The following SHISA9 variants were observed in gnomAD, a reference collection of about 807,000 sequenced individuals.
SHISA9 encodes protein shisa-9.
SHISA9 carries 13 observed loss-of-function variants against 38.0 expected under a neutral mutation model. That is an observed-to-expected ratio of 0.34 (90% confidence interval 0.22 to 0.54). SHISA9 has a LOEUF of 0.54. SHISA9 is among the 20% of genes least tolerant of loss of function. SHISA9 has a pLI of 0.91. For missense variants in SHISA9, 538 were observed against 575.8 expected (o/e 0.93, Z 0.67); for synonymous variants, 275 against 242.0 (o/e 1.14, Z -1.27).
chr16:13,081,648 C>T (rs999710868), intron 2 of SHISA9, among the ~76,000 whole-genome samples: 6 of 151,974 alleles, frequency 3.9e-5, no homozygotes, highest in African/African-American at 1.5e-4. Context: ...TTGTCTCCTC[C>T]TAGGCAGGAA....
intron 4 of SHISA9, among the ~76,000 whole-genome samples, chr16:13,217,500 A>C (rs561629992): frequency 2.0e-5 from 3 of 152,322 alleles, no homozygotes; most frequent in African/African-American, 7.2e-5. Flanking sequence ...GCTTCTGACT[A>C]GAATCAGCCT....
At chr16:13,471,876 A>C in the SHISA9 span, among the ~76,000 whole-genome samples, 1 of 152,202 alleles carries the variant, frequency 6.6e-6, no homozygotes, top group Non-Finnish European at 1.5e-5. Context: ...ATAGCAAGAA[A>C]AACAAGGAGA....
At chr16:13,450,050 G>A in the SHISA9 span, among the ~76,000 whole-genome samples, 9 of 152,240 alleles carry the variant, frequency 5.9e-5, no homozygotes, top group Admixed American at 5.2e-4. Context: ...CTGGGAGGTG[G>A]AGGTTGCAGT....
At chr16:12,977,265 A>G (rs1027736824) in intron 2 of SHISA9, among the ~76,000 whole-genome samples, 9 of 152,136 alleles carry the variant, frequency 5.9e-5, no homozygotes, top group Admixed American at 2.0e-4. Flanking sequence ...CCTTGCTCTC[A>G]GGGAATTCAT....
chr16:13,066,134 C>T (rs1470335537), intron 2 of SHISA9, among the ~76,000 whole-genome samples: 2 of 152,150 alleles, frequency 1.3e-5, no homozygotes, highest in Non-Finnish European at 1.5e-5. Context: ...CATCCTTTTC[C>T]TCTTGCTATG....
At chr16:13,485,451 G>T in the SHISA9 span, among the ~76,000 whole-genome samples, 1 of 152,026 alleles carries the variant, frequency 6.6e-6, no homozygotes, top group African/African-American at 2.4e-5. Flanking sequence ...TTGAGGGTAA[G>T]CCCTTGTTCT....
chr16:13,070,772 C>T (rs756797798), intron 2 of SHISA9, among the ~76,000 whole-genome samples: 16 of 152,244 alleles, frequency 1.1e-4, no homozygotes, highest in Non-Finnish European at 1.9e-4. Flanking sequence ...GAGAGGGAGA[C>T]TGAGAGATAA....
the SHISA9 span, among the ~76,000 whole-genome samples, chr16:13,467,868 A>T: frequency 6.6e-6 from 1 of 152,246 alleles, no homozygotes; most frequent in Non-Finnish European, 1.5e-5. Context: ...CCTGTGGTTA[A>T]AAAGTGGAAA....
chr16:13,111,544 C>T (rs1407379348), intron 2 of SHISA9, among the ~76,000 whole-genome samples: 2 of 152,140 alleles, frequency 1.3e-5, no homozygotes, highest in Non-Finnish European at 2.9e-5. Context: ...CTGAGATTAT[C>T]TGTGTAAGAC....
the SHISA9 span, among the ~76,000 whole-genome samples, chr16:13,424,221 T>C: frequency 7.6e-5 from 1 of 13,162 alleles, no homozygotes; most frequent in Non-Finnish European, 1.7e-4. Context: ...CTCTCCTGAA[T>C]ATCTCACTAG....
At chr16:13,501,505 A>G in the SHISA9 span, among the ~76,000 whole-genome samples, 5 of 152,230 alleles carry the variant, frequency 3.3e-5, no homozygotes, top group African/African-American at 7.2e-5. Flanking sequence ...TGAGCATGTC[A>G]GTACATATGA....
intron 2 of SHISA9, among the ~76,000 whole-genome samples, chr16:13,063,813 T>C (rs2073403493): frequency 6.6e-6 from 1 of 152,176 alleles, no homozygotes; most frequent in Admixed American, 6.5e-5. Context: ...TATGCGGCCC[T>C]CAGCCTTTTT....
At chr16:13,123,346 G>A (rs2050230226) in intron 2 of SHISA9, among the ~76,000 whole-genome samples, 1 of 152,234 alleles carries the variant, frequency 6.6e-6, no homozygotes. Flanking sequence ...ATTGGCTTGG[G>A]CCATGGGTGG....
chr16:13,240,627 C>A (rs1016055229), downstream of SHISA9, among the ~76,000 whole-genome samples: 6 of 152,312 alleles, frequency 3.9e-5, no homozygotes, highest in East Asian at 1.2e-3. Context: ...AAGTTTGTGT[C>A]ACATCTCCTA....
chr16:12,952,799 A>G (rs1234913171), intron 2 of SHISA9, among the ~76,000 whole-genome samples: 7 of 152,186 alleles, frequency 4.6e-5, no homozygotes, highest in Non-Finnish European at 8.8e-5. Context: ...CTGTGAGTCA[A>G]TTGACCCTCT....
At chr16:13,009,104 T>C (rs2072638974) in intron 2 of SHISA9, among the ~76,000 whole-genome samples, 2 of 151,984 alleles carry the variant, frequency 1.3e-5, no homozygotes. Flanking sequence ...GTGTATTTTT[T>C]TTTTTTTGAA....
intron 2 of SHISA9, among the ~76,000 whole-genome samples, chr16:13,016,102 C>T (rs2072754444): frequency 6.7e-6 from 1 of 149,832 alleles, no homozygotes; most frequent in South Asian, 2.1e-4. Flanking sequence ...GTTCTCCTGC[C>T]TTAGTTTCCC....
At chr16:13,535,580 G>T in the SHISA9 span, among the ~76,000 whole-genome samples, 1 of 152,176 alleles carries the variant, frequency 6.6e-6, no homozygotes, top group Non-Finnish European at 1.5e-5. Flanking sequence ...GGATTGAGTG[G>T]TTGTGACAGA....
chr16:13,141,482 C>T (rs577127729), intron 2 of SHISA9, among the ~76,000 whole-genome samples: 4 of 152,040 alleles, frequency 2.6e-5, no homozygotes, highest in South Asian at 2.1e-4. Context: ...GTCAAGAGAT[C>T]GAGACCATCC....
Sources: allele counts gnomAD v4.1 joint callset (sites outside exome capture counted in the v4.1 genomes callset), GRCh38; gene constraint gnomAD v4.1.1; transcripts MANE v1.5; gene names NCBI Gene and HGNC (gene_info 2026-07-23, HGNC 2026-07-21).